PSEN1: variants seen among roughly 807,000 people sequenced by gnomAD.
PSEN1 encodes the protein presenilin 1, also known as presenilin-1.
Under a neutral mutation model 53.5 loss-of-function variants are expected in PSEN1, and 15 were observed. The ratio of observed to expected loss-of-function variants is 0.28; its 90% confidence interval spans 0.19 to 0.43. The LOEUF (loss-of-function observed/expected upper bound fraction) is 0.43. PSEN1 is among the 20% of genes least tolerant of loss of function. The pLI, the probability that PSEN1 is intolerant of heterozygous loss-of-function variation, is 1.00. For synonymous variants in PSEN1, 208 were observed against 209.8 expected, an observed-to-expected ratio of 0.99 and a Z score of 0.08; for missense variants, 387 against 571.2, an observed-to-expected ratio of 0.68 and a Z score of 3.29.
At chr14:73,211,998 T>A in intron 10 of PSEN1, 56 bp downstream of exon 10, 1 of 1,468,612 alleles carries the variant, frequency 6.8e-7, no homozygotes, top group African/African-American at 1.4e-5. Context: ...AGCTACATTA[T>A]CAACCTTTTT....
chr14:73,192,690 G>A lies in PSEN1; in HGVS notation c.595G>A (p.Ala199Thr). 2 of 1,613,996 alleles carry A rather than the reference G, an allele frequency of 1.2e-6. No individual in the cohort carries two copies. Among genetic ancestry groups the A allele is most frequent in the Non-Finnish European group, 1.7e-6 (2 of 1,179,996 alleles). The change falls in exon 7 of 12, where the codon GCA becomes ACA. Residue 199 changes from alanine to threonine, a missense_variant. Coordinates refer to ENST00000324501, the MANE Select transcript of PSEN1 (RefSeq NM_000021.4). The stretch of plus-strand genomic sequence containing the variant: ...CGTTGCTGTGGACTACATTACTGTT[G>A]CACTCCTGATCTGGAATTTTGGTGT... Reference protein sequence around the residue: ...YNVAVDYITVALLIWNFGVVG... With the variant: ...YNVAVDYITVTLLIWNFGVVG...
At chr14:73,146,707 A>G (rs1897080878) in intron 1 of PSEN1, among the ~76,000 whole-genome samples, 1 of 152,224 alleles carries the variant, frequency 6.6e-6, no homozygotes, top group Non-Finnish European at 1.5e-5. Context: ...TTAGAAGAAA[A>G]AAAATGGAAT....
Position 73,219,411 on chromosome 14 carries a change from C to T in PSEN1, c.*122C>T. On this transcript the variant is annotated 3_prime_UTR_variant, in exon 12 of 12. Coordinates refer to ENST00000324501, the MANE Select transcript of PSEN1 (RefSeq NM_000021.4). ...GTCAAGATTCCCGGCTGGACTTTTG[C>T]AGCTTCCTTCCAAGTCTTCCTGACC... 8.9e-7 allele frequency: 1 copy of T among 1,129,212 alleles called. No individual in the cohort carries two copies. The highest frequency in any genetic ancestry group is 1.3e-6 in the Non-Finnish European group (1 of 753,888). The allele number at this position is 1,129,212 out of a possible 1,614,324, so 69.9% of individuals were successfully genotyped here. A position where few individuals can be genotyped will look rare whatever the true frequency, so the allele number is the denominator to read the frequency against.
At chr14:73,178,219 CTTT>C (rs34023728) in intron 5 of PSEN1, among the ~76,000 whole-genome samples, 4 of 127,964 alleles carry the variant, frequency 3.1e-5, no homozygotes, top group Admixed American at 7.9e-5. Context: ...ACACCCGGCC[CTTT>C]TTTTTTTTTT....
At chr14:73,205,199 G>A (rs987849021) in intron 8 of PSEN1, among the ~76,000 whole-genome samples, 4 of 152,082 alleles carry the variant, frequency 2.6e-5, no homozygotes, top group South Asian at 2.1e-4. Context: ...TGACCAGGCC[G>A]GGCGTGGTGG....
intron 5 of PSEN1, among the ~76,000 whole-genome samples, chr14:73,179,466 A>G (rs1038333021): frequency 6.6e-6 from 1 of 152,086 alleles, no homozygotes; most frequent in Non-Finnish European, 1.5e-5. Context: ...AAATACAAAA[A>G]ATTAGCCAGG....
chr14:73,177,507 G>A (rs1175348776), intron 5 of PSEN1, among the ~76,000 whole-genome samples: 4 of 152,120 alleles, frequency 2.6e-5, no homozygotes, highest in Admixed American at 2.6e-4. Flanking sequence ...TTTTCTTCTA[G>A]TATTATTTGC....
chr14:73,172,748 A>G (rs1897929457), intron 4 of PSEN1, among the ~76,000 whole-genome samples: 1 of 152,248 alleles, frequency 6.6e-6, no homozygotes, highest in Non-Finnish European at 1.5e-5. Context: ...TCTCTCATAG[A>G]GTAGTGCAGA....
intron 4 of PSEN1, among the ~76,000 whole-genome samples, chr14:73,171,991 G>A (rs1324504932): frequency 6.6e-6 from 1 of 152,092 alleles, no homozygotes; most frequent in East Asian, 1.9e-4. Context: ...TATTTACATT[G>A]TTTATTTAAT....
At chr14:73,213,108 A>T (rs1487939883) in intron 10 of PSEN1, among the ~76,000 whole-genome samples, 1 of 152,154 alleles carries the variant, frequency 6.6e-6, no homozygotes, top group Admixed American at 6.5e-5. Flanking sequence ...AGTTTTCCAG[A>T]TATCAAAGCC....
chr14:73,175,384 C>T (rs1036958041), intron 5 of PSEN1, among the ~76,000 whole-genome samples: 6 of 152,024 alleles, frequency 3.9e-5, no homozygotes, highest in South Asian at 4.2e-4. Context: ...ACCTCGGCCT[C>T]GCAAGGGCTG....
Position 73,211,951 on chromosome 14 carries a change from A to G in PSEN1, c.1129+9A>G, listed in dbSNP as rs200810527. 5 of 1,613,722 alleles carry G rather than the reference A, an allele frequency of 3.1e-6. No individual in the cohort carries two copies. The highest frequency in any genetic ancestry group is 4.2e-6 in the Non-Finnish European group (5 of 1,179,752). ...TGAAGACCCAGAGGAAAGTATGTGC[A>G]TTTCTCTATGTTGCAAAGTCATGGA... On this transcript the variant is annotated intron_variant, in intron 10 of 11. Coordinates refer to ENST00000324501, the MANE Select transcript of PSEN1 (RefSeq NM_000021.4).
At chr14:73,152,196 T>G (rs1897251282) in intron 3 of PSEN1, among the ~76,000 whole-genome samples, 1 of 151,172 alleles carries the variant, frequency 6.6e-6, no homozygotes, top group Non-Finnish European at 1.5e-5. Flanking sequence ...TTTTTTAATG[T>G]GAGGAAAGGT....
At position 73,136,976 on chromosome 14, in the gene PSEN1, C is replaced by G. The variant is rs200863524; in HGVS notation, c.-136+393C>G. 2.2e-3 allele frequency: 337 copies of G among 156,192 alleles called. 1 individual carries two copies. Among genetic ancestry groups the G allele is most frequent in the African/African-American group, 7.6e-3 (318 of 41,638 alleles). The allele number at this position is 156,192 out of a possible 1,614,324, so 9.7% of individuals were successfully genotyped here. On this transcript the variant is annotated intron_variant, in intron 1 of 11. Transcript: ENST00000324501. ...CCGCGCCTCACGCCCCGGGTGTGTC[C>G]TTGTCCAGGGGCGACGAGCATTCTG...
At chr14:73,178,427 A>G (rs1374237958) in intron 5 of PSEN1, among the ~76,000 whole-genome samples, 2 of 149,692 alleles carry the variant, frequency 1.3e-5, no homozygotes, top group African/African-American at 4.9e-5. Context: ...GCCTCAAGTG[A>G]TCCGTCTGCC....
intron 1 of PSEN1, among the ~76,000 whole-genome samples, chr14:73,142,535 C>T (rs756239069): frequency 1.7e-4 from 26 of 152,272 alleles, no homozygotes; most frequent in Admixed American, 6.5e-4. Context: ...AATAAGTAAC[C>T]ATGTTCTGCA....
intron 3 of PSEN1, among the ~76,000 whole-genome samples, chr14:73,151,878 T>TTTTATATATATATATATA (rs1321315363): frequency 3.5e-5 from 2 of 56,908 alleles, no homozygotes; most frequent in African/African-American, 1.8e-4. Context: ...CTAAAATATT[T>TTTTATATATATATATATA]TATATATATA....
chr14:73,211,334 C>T (rs1225729990), intron 9 of PSEN1, among the ~76,000 whole-genome samples: 1 of 152,184 alleles, frequency 6.6e-6, no homozygotes, highest in Non-Finnish European at 1.5e-5. Context: ...GATAAGGCAA[C>T]ATTCAGGGGT....
At chr14:73,192,897 A>C (rs764087851) in intron 7 of PSEN1, 33 bp downstream of exon 7, 12 of 1,513,016 alleles carry the variant, frequency 7.9e-6, no homozygotes, top group Non-Finnish European at 1.0e-5. Flanking sequence ...TGTTTGTCAC[A>C]GGAATGCCCC....
Sources: allele counts gnomAD v4.1 joint callset (sites outside exome capture counted in the v4.1 genomes callset), GRCh38; gene constraint gnomAD v4.1.1; transcripts MANE v1.5; gene names NCBI Gene and HGNC (gene_info 2026-07-23, HGNC 2026-07-21).